RALGPS1: variants seen among roughly 807,000 people sequenced by gnomAD.
RALGPS1 encodes the protein ras-specific guanine nucleotide-releasing factor RalGPS1.
RALGPS1 carries 19 observed loss-of-function variants against 78.8 expected under a neutral mutation model. The observed-to-expected ratio is 0.24, with a 90% confidence interval of 0.17 to 0.35. The LOEUF (loss-of-function observed/expected upper bound fraction) is 0.35. Among genes scored for constraint, RALGPS1 ranks in the 10% least tolerant of loss-of-function variants. The pLI is 1.00. For missense variants in RALGPS1, 454 were observed against 688.3 expected (o/e 0.66, Z 3.81); for synonymous variants, 228 against 256.3 (o/e 0.89, Z 1.06).
At chr9:127,089,729 T>C (rs2052229175) in intron 8 of RALGPS1, among the ~76,000 whole-genome samples, 1 of 152,238 alleles carries the variant, frequency 6.6e-6, no homozygotes, top group Non-Finnish European at 1.5e-5. Context: ...CATAAAACTC[T>C]TGGCATTATC....
At position 126,926,353 on chromosome 9, in the gene RALGPS1, A is replaced by G. The variant is rs527740463; in HGVS notation, c.-66+11378A>G. 2.0e-5 allele frequency among the ~76,000 whole-genome samples: 3 copies of G among 152,356 alleles called. No homozygotes were observed. In the South Asian group the frequency reaches 6.2e-4, roughly 32 times the overall value. ...AGTGTCATGGGAAGTAGAGTAGTGG[A>G]AATGGAAGCTCATGGGACCGAGTAA... On this transcript the variant is annotated intron_variant, in intron 1 of 18. Coordinates refer to ENST00000259351, the MANE Select transcript of RALGPS1 (RefSeq NM_014636.3).
rs147353827 is a variant in RALGPS1, at chr9:127,202,897, GGCGGCCGCAGGGCA to G, written c.1247+3846_1247+3859del. 7.1e-3 allele frequency among the ~76,000 whole-genome samples: 1,075 copies of G among 152,062 alleles called. 11 individuals are homozygous for G. Among genetic ancestry groups the G allele is most frequent in the African/African-American group, 0.021 (878 of 41,326 alleles). ...CTCTGCTCTCCCAGGGAGGTGGGGA[GGCGGCCGCAGGGCA>G]GCGGCCGCAGGGCATTCAGTTACCT... On this transcript the variant is annotated intron_variant, in intron 14 of 18. Coordinates refer to ENST00000259351, the MANE Select transcript of RALGPS1 (RefSeq NM_014636.3).
chr9:127,108,590 C>T, intron 8 of RALGPS1: 11 of 1,613,554 alleles, frequency 6.8e-6, no homozygotes, highest in Non-Finnish European at 8.5e-6. Context: ...TGGGACTCGC[C>T]CGCCCGCTTG....
At chr9:127,097,121 AT>A (rs1197095688) in intron 8 of RALGPS1, among the ~76,000 whole-genome samples, 1 of 152,270 alleles carries the variant, frequency 6.6e-6, no homozygotes, top group African/African-American at 2.4e-5. Flanking sequence ...AGCGAAAAAA[AT>A]AAAACATAAA....
At chr9:126,998,796 A>C (rs1330356224) in intron 4 of RALGPS1, among the ~76,000 whole-genome samples, 2 of 151,990 alleles carry the variant, frequency 1.3e-5, no homozygotes, top group Non-Finnish European at 2.9e-5. Context: ...AGACTGGATT[A>C]AGAAAATGTG....
chr9:127,025,754 T>C (rs2045911154), intron 4 of RALGPS1, among the ~76,000 whole-genome samples: 1 of 152,098 alleles, frequency 6.6e-6, no homozygotes, highest in African/African-American at 2.4e-5. Flanking sequence ...TGTAGTGGTA[T>C]GATCATGGCT....
At chr9:126,969,141 TA>T (rs923535590) in intron 3 of RALGPS1, among the ~76,000 whole-genome samples, 5 of 152,256 alleles carry the variant, frequency 3.3e-5, no homozygotes, top group African/African-American at 1.2e-4. Context: ...CCTGTATGTC[TA>T]AAATATTATC....
intron 1 of RALGPS1, among the ~76,000 whole-genome samples, chr9:126,938,238 G>A (rs750682381): frequency 3.9e-5 from 6 of 152,176 alleles, no homozygotes; most frequent in Admixed American, 2.0e-4. Flanking sequence ...AAATTGGCAC[G>A]AGAGAAGGCC....
At chr9:127,000,877 T>C (rs1588944533) in intron 4 of RALGPS1, among the ~76,000 whole-genome samples, 2 of 151,784 alleles carry the variant, frequency 1.3e-5, no homozygotes, top group South Asian at 2.1e-4. Context: ...TCTAATTCCA[T>C]TGTAGTTAGA....
At chr9:127,208,917 G>A (rs1407502527) in intron 14 of RALGPS1, among the ~76,000 whole-genome samples, 9 of 152,206 alleles carry the variant, frequency 5.9e-5, no homozygotes, top group African/African-American at 1.9e-4. Context: ...AGGTACTGTG[G>A]GAATTCCGGA....
intron 8 of RALGPS1, among the ~76,000 whole-genome samples, chr9:127,084,633 A>T (rs2051514983): frequency 6.6e-6 from 1 of 152,132 alleles, no homozygotes; most frequent in African/African-American, 2.4e-5. Flanking sequence ...CTGAAGGTGG[A>T]TGAAAACACC....
Position 127,091,574 on chromosome 9 carries a change from G to C in RALGPS1, c.610+22218G>C. ...CTTGGCCCAGCTGCTTCTCACCCTG[G>C]GATCTTCCCGTTTCCAAGCCCTGGA... On this transcript the variant is annotated intron_variant, in intron 8 of 18. Transcript: ENST00000259351. The surrounding 1 kb of genome is among the most constrained non-coding windows in gnomAD (Gnocchi z 4.3). 2.0e-6 allele frequency: 3 copies of C among 1,500,922 alleles called. No homozygotes were observed. Among genetic ancestry groups the C allele is most frequent in the Non-Finnish European group, 2.7e-6 (3 of 1,117,716 alleles). The allele number at this position is 1,500,922 out of a possible 1,614,324, so 93.0% of individuals were successfully genotyped here.
At position 127,147,827 on chromosome 9, in the gene RALGPS1, GTGT is replaced by G. The variant is rs1269743597; in HGVS notation, c.611-18240_611-18238del. Among the ~76,000 whole-genome samples, 6 of 152,314 alleles carry G rather than the reference GTGT, an allele frequency of 3.9e-5. No individual in the cohort carries two copies. In the East Asian group the frequency reaches 1.2e-3, roughly 29 times the overall value. ...TAATAGACGTTAGTCACTGGTGGTG[GTGT>G]TATCATTATCATTACTATTGGTGTA... On this transcript the variant is annotated intron_variant, in intron 8 of 18. Transcript: ENST00000259351.
intron 4 of RALGPS1, among the ~76,000 whole-genome samples, chr9:127,027,878 A>C (rs750242344): frequency 4.6e-5 from 7 of 152,160 alleles, no homozygotes; most frequent in Non-Finnish European, 1.0e-4. Context: ...AATCTCTCTG[A>C]GCCTCATAGT....
chr9:127,180,132 A>G (rs1190533900), intron 11 of RALGPS1, among the ~76,000 whole-genome samples: 1 of 152,228 alleles, frequency 6.6e-6, no homozygotes, highest in Non-Finnish European at 1.5e-5. Flanking sequence ...CTATAAATGA[A>G]CTAATATTTT....
At chr9:127,119,629 C>G (rs1042859453) in intron 8 of RALGPS1, among the ~76,000 whole-genome samples, 8 of 152,132 alleles carry the variant, frequency 5.3e-5, no homozygotes, top group African/African-American at 1.9e-4. Flanking sequence ...AATGTATATG[C>G]CTTATTTAGC....
At chr9:126,936,943 AT>A (rs2036321894) in intron 1 of RALGPS1, among the ~76,000 whole-genome samples, 1 of 151,878 alleles carries the variant, frequency 6.6e-6, no homozygotes, top group African/African-American at 2.4e-5. Flanking sequence ...CATCTCCCAA[AT>A]AGTTCAGGTG....
chr9:127,195,257 G>T (rs375522046), intron 12 of RALGPS1, 40 bp downstream of exon 12: 2 of 1,599,560 alleles, frequency 1.3e-6, no homozygotes, highest in Admixed American at 3.3e-5. Flanking sequence ...GCTTCAGACC[G>T]TCCTGCACAT....
chr9:127,169,878 G>T (rs988972796), intron 10 of RALGPS1, among the ~76,000 whole-genome samples: 1 of 152,288 alleles, frequency 6.6e-6, no homozygotes, highest in Non-Finnish European at 1.5e-5. Context: ...AGGTAGGCTA[G>T]GCTAAGCTAT....
Sources: gnomAD v4.1 joint callset for allele counts (sites outside exome capture counted in the v4.1 genomes callset) on GRCh38, gnomAD v4.1.1 for gene constraint, Gnocchi (gnomAD v3.1) non-coding constraint, MANE v1.5 for transcripts, NCBI Gene and HGNC (gene_info 2026-07-23, HGNC 2026-07-21) for gene names.